Variants in KCNIP4 observed in about 807,000 individuals in gnomAD.
The protein encoded by KCNIP4 is potassium voltage-gated channel interacting protein 4.
Under a neutral mutation model 34.0 loss-of-function variants are expected in KCNIP4, and 12 were observed. The ratio of observed to expected loss-of-function variants is 0.35; its 90% CI spans 0.23 to 0.57. The LOEUF (loss-of-function observed/expected upper bound fraction) is 0.57. Ranked by LOEUF, KCNIP4 falls within the 20% of genes least tolerant of loss-of-function variation. The probability of loss-of-function intolerance (pLI) is 0.83; values close to 1 mark genes in which losing one functional copy is unlikely to be tolerated. For missense variants in KCNIP4, 238 were observed against 311.7 expected, an observed-to-expected ratio of 0.76 and a Z score of 1.78; for synonymous variants, 124 against 102.2, an observed-to-expected ratio of 1.21 and a Z score of -1.29.
chr4:21,173,606 C>T lies in KCNIP4; in HGVS notation c.62-290897G>A, dbSNP rs145267773. Among the ~76,000 whole-genome samples the T allele has an allele frequency of 4.3e-4, 66 of 152,210 alleles. No homozygotes were observed. In the East Asian group the frequency reaches 7.4e-3, roughly 17 times the overall value. On this transcript the variant is annotated intron_variant, in intron 1 of 8. Coordinates refer to ENST00000382152, the MANE Select transcript of KCNIP4 (RefSeq NM_025221.6). ...GATTTAGTGCACATTCTTCATTCCA[C>T]GGAGGAGGAAACTGAGGCTTGTAGA... is the stretch of plus-strand genomic sequence containing the variant.
intron 1 of KCNIP4, among the ~76,000 whole-genome samples, chr4:21,670,501 G>T (rs1749392608): frequency 6.6e-6 from 1 of 151,710 alleles, no homozygotes; most frequent in Non-Finnish European, 1.5e-5. Flanking sequence ...CAGCGCACCA[G>T]CATGGCACAT....
intron 1 of KCNIP4, among the ~76,000 whole-genome samples, chr4:21,145,954 T>C (rs947377419): frequency 6.6e-6 from 1 of 152,258 alleles, no homozygotes; most frequent in Non-Finnish European, 1.5e-5. Context: ...TCTATCTTTG[T>C]CCTTGCATTA....
chr4:21,710,677 G>A (rs1452278511), intron 1 of KCNIP4, among the ~76,000 whole-genome samples: 1 of 152,164 alleles, frequency 6.6e-6, no homozygotes, highest in Non-Finnish European at 1.5e-5. Flanking sequence ...AGTCAGGCTT[G>A]TGTCTGGCTC....
intron 1 of KCNIP4, among the ~76,000 whole-genome samples, chr4:21,199,816 A>G (rs540737299): frequency 6.5e-4 from 99 of 152,302 alleles, no homozygotes; most frequent in Non-Finnish European, 1.3e-3. Flanking sequence ...GATAGACTGG[A>G]TTAAGAAAAT....
intron 1 of KCNIP4, among the ~76,000 whole-genome samples, chr4:20,929,273 TA>T (rs1174741051): frequency 1.3e-5 from 2 of 151,902 alleles, no homozygotes; most frequent in Non-Finnish European, 2.9e-5. Context: ...GGATGAAAGA[TA>T]AAAAACACAG....
chr4:21,272,004 T>A (rs993777866), intron 1 of KCNIP4, among the ~76,000 whole-genome samples: 66 of 152,260 alleles, frequency 4.3e-4, no homozygotes, highest in Non-Finnish European at 7.5e-4. Flanking sequence ...ACTTAGAAAC[T>A]GTGAAATATG....
chr4:21,548,152 G>T (rs1368045739), intron 1 of KCNIP4, among the ~76,000 whole-genome samples: 1 of 152,110 alleles, frequency 6.6e-6, no homozygotes, highest in African/African-American at 2.4e-5. Context: ...AGTGTCACCA[G>T]AATACCTGTT....
intron 1 of KCNIP4, among the ~76,000 whole-genome samples, chr4:21,370,303 G>T (rs1328114540): frequency 1.4e-5 from 2 of 146,860 alleles, no homozygotes; most frequent in Non-Finnish European, 2.9e-5. Flanking sequence ...AATATGAGGT[G>T]ATTCAGTGTT....
At chr4:21,853,052 G>A (rs960840455) in intron 1 of KCNIP4, 2 of 152,114 alleles carry the variant, frequency 1.3e-5, no homozygotes, top group Non-Finnish European at 2.9e-5. Flanking sequence ...TTCTTTCAAG[G>A]ACAGTAGTAA....
At chr4:20,758,562 CATT>C (rs550565068) in intron 4 of KCNIP4, among the ~76,000 whole-genome samples, 126 of 152,174 alleles carry the variant, frequency 8.3e-4, no homozygotes, top group Middle Eastern at 6.8e-3. Context: ...AGTCAGAAAA[CATT>C]GTGCATTTGA....
At chr4:21,815,312 T>G (rs1307572640) in intron 1 of KCNIP4, among the ~76,000 whole-genome samples, 3 of 152,150 alleles carry the variant, frequency 2.0e-5, no homozygotes, top group African/African-American at 7.2e-5. Context: ...TAATGTAAAA[T>G]GGGGATACCA....
intron 1 of KCNIP4, among the ~76,000 whole-genome samples, chr4:21,120,673 C>G (rs1180815406): frequency 6.6e-6 from 1 of 152,124 alleles, no homozygotes; most frequent in African/African-American, 2.4e-5. Flanking sequence ...ATCACAAAAA[C>G]AGAATGAGGG....
chr4:21,495,106 C>T (rs969035651), intron 1 of KCNIP4, among the ~76,000 whole-genome samples: 4 of 152,144 alleles, frequency 2.6e-5, no homozygotes, highest in Admixed American at 2.0e-4. Context: ...ACTCTGAACT[C>T]CATATCCATC....
intron 1 of KCNIP4, among the ~76,000 whole-genome samples, chr4:21,367,877 T>A (rs1719940986): frequency 6.8e-6 from 1 of 147,724 alleles, no homozygotes; most frequent in Non-Finnish European, 1.5e-5. Flanking sequence ...GTCTGCTGTA[T>A]TTGATTCGAG....
intron 1 of KCNIP4, among the ~76,000 whole-genome samples, chr4:21,612,406 GT>G (rs1329843202): frequency 6.6e-6 from 1 of 152,200 alleles, no homozygotes; most frequent in Non-Finnish European, 1.5e-5. Context: ...GAGCCCAGAA[GT>G]TTGAAACTAG....
intron 1 of KCNIP4, among the ~76,000 whole-genome samples, chr4:21,528,743 GAA>G (rs1455304406): frequency 1.5e-4 from 1 of 6,886 alleles, no homozygotes; most frequent in Non-Finnish European, 2.6e-4. Flanking sequence ...AAGAAAGAAA[GAA>G]AGAAAGAAAG....
chr4:21,009,104 T>C (rs1738836385), intron 1 of KCNIP4, among the ~76,000 whole-genome samples: 1 of 152,226 alleles, frequency 6.6e-6, no homozygotes, highest in South Asian at 2.1e-4. Context: ...CATTGATCTG[T>C]GATTCCTTGT....
chr4:20,798,547 A>AC (rs35912381), intron 3 of KCNIP4, among the ~76,000 whole-genome samples: 11,910 of 151,196 alleles, frequency 0.079, 527 homozygotes, highest in East Asian at 0.2. Context: ...ACAGACACAC[A>AC]AAAAAGCTAT....
chr4:21,610,439 C>A (rs1276221936), intron 1 of KCNIP4, among the ~76,000 whole-genome samples: 1 of 152,124 alleles, frequency 6.6e-6, no homozygotes, highest in Non-Finnish European at 1.5e-5. Flanking sequence ...ACACTAATGA[C>A]CTCATTTTAA....
Sources: gnomAD v4.1 joint callset for allele counts (sites outside exome capture counted in the v4.1 genomes callset) on GRCh38, gnomAD v4.1.1 for gene constraint, MANE v1.5 for transcripts, NCBI Gene and HGNC (gene_info 2026-07-23, HGNC 2026-07-21) for gene names.